FARS2: variants seen among roughly 807,000 people sequenced by gnomAD.
FARS2 encodes the protein phenylalanine--tRNA ligase, mitochondrial.
FARS2 carries 40 observed loss-of-function variants against 46.4 expected under a neutral mutation model. The observed-to-expected ratio is 0.86, with a 90% CI of 0.67 to 1.12. FARS2 has a LOEUF of 1.12. FARS2 is among the 50% of genes most tolerant of loss of function. FARS2 has a pLI of 0.00. For synonymous variants in FARS2, 234 were observed against 214.9 expected (o/e 1.09, Z -0.78); for missense variants, 513 against 567.9 (o/e 0.90, Z 0.98).
At chr6:5,532,576 C>T (rs1416832718) in intron 4 of FARS2, among the ~76,000 whole-genome samples, 1 of 152,104 alleles carries the variant, frequency 6.6e-6, no homozygotes, top group Non-Finnish European at 1.5e-5. Context: ...ATAGTGAAAC[C>T]CTGTCTCTAC....
intron 6 of FARS2, among the ~76,000 whole-genome samples, chr6:5,670,962 T>TG (rs1299203540): frequency 3.8e-4 from 58 of 152,328 alleles, no homozygotes; most frequent in Non-Finnish European, 6.3e-4. Flanking sequence ...CAGTGTGCAG[T>TG]CTATGCCTGA....
At chr6:5,654,101 C>A (rs1777497520) in intron 6 of FARS2, among the ~76,000 whole-genome samples, 1 of 152,150 alleles carries the variant, frequency 6.6e-6, no homozygotes, top group African/African-American at 2.4e-5. Flanking sequence ...TGCCCTGACC[C>A]TTTGACCATG....
chr6:5,641,599 A>G (rs1178534164), intron 6 of FARS2, among the ~76,000 whole-genome samples: 1 of 152,164 alleles, frequency 6.6e-6, no homozygotes, highest in Non-Finnish European at 1.5e-5. Context: ...GCCCAGCCTC[A>G]CATGTCCACA....
intron 5 of FARS2, among the ~76,000 whole-genome samples, chr6:5,547,160 C>T (rs1033904294): frequency 2.0e-5 from 3 of 152,038 alleles, no homozygotes; most frequent in African/African-American, 7.2e-5. Context: ...CCATGTTGGC[C>T]AGGCTGGTCT....
chr6:5,317,969 G>A (rs914985973), intron 1 of FARS2, among the ~76,000 whole-genome samples: 7 of 151,906 alleles, frequency 4.6e-5, no homozygotes, highest in African/African-American at 9.7e-5. Context: ...CAACATATAG[G>A]CAGGTAGAGG....
intron 5 of FARS2, among the ~76,000 whole-genome samples, chr6:5,567,400 A>G (rs1166108318): frequency 6.6e-6 from 1 of 152,198 alleles, no homozygotes; most frequent in Admixed American, 6.5e-5. Flanking sequence ...AAAGGAAATC[A>G]TTTGCAAATG....
At chr6:5,399,034 G>C (rs189907229) in intron 2 of FARS2, among the ~76,000 whole-genome samples, 6 of 151,408 alleles carry the variant, frequency 4.0e-5, no homozygotes, top group African/African-American at 1.5e-4. Context: ...CTCTCTTTAA[G>C]TGGCTGTCAT....
chr6:5,693,671 G>A (rs1348912453), intron 6 of FARS2, among the ~76,000 whole-genome samples: 1 of 152,154 alleles, frequency 6.6e-6, no homozygotes, highest in South Asian at 2.1e-4. Context: ...TGATGCTGGG[G>A]CCTTGTCTGG....
At chr6:5,674,691 G>A (rs1778667869) in intron 6 of FARS2, among the ~76,000 whole-genome samples, 1 of 152,090 alleles carries the variant, frequency 6.6e-6, no homozygotes, top group Non-Finnish European at 1.5e-5. Context: ...GGTGGATGGA[G>A]GTGTGATATT....
At chr6:5,618,145 G>A (rs1333416781) in intron 6 of FARS2, among the ~76,000 whole-genome samples, 2 of 152,226 alleles carry the variant, frequency 1.3e-5, no homozygotes, top group Non-Finnish European at 2.9e-5. Flanking sequence ...ACAGTGGAAT[G>A]TGAATTTGGC....
intron 5 of FARS2, among the ~76,000 whole-genome samples, chr6:5,587,010 ATAAG>A (rs1266209148): frequency 2.0e-5 from 3 of 152,190 alleles, no homozygotes; most frequent in Non-Finnish European, 4.4e-5. Context: ...TAATCTCCCG[ATAAG>A]TAAGAGAACT....
upstream of FARS2, chr6:5,260,943 C>T: frequency 1.5e-6 from 2 of 1,340,848 alleles, no homozygotes; most frequent in Non-Finnish European, 1.9e-6. Flanking sequence ...CGGGCGCAGG[C>T]AGGGCTCGGG....
At chr6:5,637,273 A>G (rs1015096751) in intron 6 of FARS2, among the ~76,000 whole-genome samples, 1 of 152,238 alleles carries the variant, frequency 6.6e-6, no homozygotes, top group Non-Finnish European at 1.5e-5. Flanking sequence ...ACAACTAGGT[A>G]GTTGTATCTG....
intron 1 of FARS2, among the ~76,000 whole-genome samples, chr6:5,359,939 C>A (rs899165944): frequency 6.6e-6 from 1 of 152,188 alleles, no homozygotes; most frequent in Non-Finnish European, 1.5e-5. Flanking sequence ...TGATGAACCA[C>A]CACAGAAAAG....
chr6:5,608,452 A>G (rs1774972358), intron 5 of FARS2, among the ~76,000 whole-genome samples: 1 of 152,164 alleles, frequency 6.6e-6, no homozygotes, highest in African/African-American at 2.4e-5. Context: ...TTCCAAGTTC[A>G]TTCTTACTAA....
At chr6:5,500,008 A>G (rs1397059676) in intron 4 of FARS2, among the ~76,000 whole-genome samples, 1 of 152,164 alleles carries the variant, frequency 6.6e-6, no homozygotes, top group Non-Finnish European at 1.5e-5. Flanking sequence ...GCAAATGTCA[A>G]CTGTACCAAG....
Position 5,431,851 on chromosome 6 carries a change from T to A in FARS2, c.904+679T>A, listed in dbSNP as rs1469228381. 4 of 327,004 alleles carry A rather than the reference T, an allele frequency of 1.2e-5. No individual in the cohort carries two copies. In the Admixed American group the frequency reaches 1.5e-4, roughly 12 times the overall value. The allele number at this position is 327,004 out of a possible 1,614,324, so 20.3% of individuals were successfully genotyped here. A position where few individuals can be genotyped will look rare whatever the true frequency, so the allele number is the denominator to read the frequency against. On this transcript the variant is annotated intron_variant, in intron 4 of 6. Transcript: ENST00000274680. ...GTTTCTTTTTAAGTCACTATCTGAA[T>A]TGAGTAATTTTTAAGTCACTATCTG...
At chr6:5,297,608 A>G (rs768552545) in intron 1 of FARS2, among the ~76,000 whole-genome samples, 3 of 152,092 alleles carry the variant, frequency 2.0e-5, no homozygotes, top group Non-Finnish European at 2.9e-5. Context: ...AGATCGTGCC[A>G]TTGCACTCCA....
intron 1 of FARS2, among the ~76,000 whole-genome samples, chr6:5,337,888 A>C (rs1296792629): frequency 6.6e-6 from 1 of 152,214 alleles, no homozygotes; most frequent in Non-Finnish European, 1.5e-5. Context: ...CAGAGACCAC[A>C]AATTACTGTG....
Sources: allele counts gnomAD v4.1 joint callset (sites outside exome capture counted in the v4.1 genomes callset), GRCh38; gene constraint gnomAD v4.1.1; transcripts MANE v1.5; gene names NCBI Gene and HGNC (gene_info 2026-07-23, HGNC 2026-07-21).